LCP1: variants seen among roughly 807,000 people sequenced by gnomAD.
LCP1 encodes lymphocyte cytosolic protein 1.
In LCP1, 23 loss-of-function variants were observed where a neutral mutation model predicts 72.0. The observed-to-expected ratio is 0.32, with a 90% CI of 0.23 to 0.45. The LOEUF (loss-of-function observed/expected upper bound fraction) is 0.45, where lower values mean the gene tolerates loss of function less well. Ranked by LOEUF, LCP1 falls within the 20% of genes least tolerant of loss-of-function variation. The probability of loss-of-function intolerance (pLI) is 1.00; values close to 1 mark genes in which losing one functional copy is unlikely to be tolerated. For synonymous variants in LCP1, 245 were observed against 275.4 expected, an observed-to-expected ratio of 0.89 and a Z score of 1.09; for missense variants, 571 against 748.3, an observed-to-expected ratio of 0.76 and a Z score of 2.76.
rs568716266 is a variant in LCP1, at chr13:46,150,247, G to A, written c.882+689C>T. Among the ~76,000 whole-genome samples, 5 of 152,292 alleles carry A rather than the reference G, an allele frequency of 3.3e-5. No homozygotes were observed. The South Asian group carries it at 1.0e-3, about 32-fold the overall frequency. Reference sequence around the variant, plus strand: ...CTCCTACTCTTTCCTTCTAGGGACCGCTTTCCATTCCTTTCTGCTCCTTAA... The same window carrying A: ...CTCCTACTCTTTCCTTCTAGGGACCACTTTCCATTCCTTTCTGCTCCTTAA... On this transcript the variant is annotated intron_variant, in intron 8 of 15. Coordinates refer to ENST00000323076, the MANE Select transcript of LCP1 (RefSeq NM_002298.5).
chr13:46,171,396 G>A (rs7330090), intron 1 of LCP1, among the ~76,000 whole-genome samples: 28,970 of 152,086 alleles, frequency 0.19, 2,987 homozygotes, highest in East Asian at 0.31. Context: ...TTTCTGCAAG[G>A]TTTTACTTAG....
At chr13:46,142,045 G>A (rs904056603) in intron 13 of LCP1, among the ~76,000 whole-genome samples, 1 of 151,648 alleles carries the variant, frequency 6.6e-6, no homozygotes, top group Admixed American at 6.6e-5. Flanking sequence ...ACAAAGGGAT[G>A]AGTAAATTAG....
At chr13:46,142,829 T>C (rs1043677595) in intron 12 of LCP1, 4 of 458,220 alleles carry the variant, frequency 8.7e-6, no homozygotes, top group East Asian at 6.9e-5. Flanking sequence ...CAGATATTCC[T>C]GTAGCTACGC....
chr13:46,152,640 C>G, intron 7 of LCP1, 140 bp downstream of exon 7: 1 of 808,724 alleles, frequency 1.2e-6, no homozygotes, highest in South Asian at 1.9e-5. Context: ...TGTATAGAAT[C>G]TGTGACATGA....
intron 4 of LCP1, among the ~76,000 whole-genome samples, chr13:46,157,323 C>T (rs2045809123): frequency 6.6e-6 from 1 of 152,046 alleles, no homozygotes; most frequent in Admixed American, 6.6e-5. Context: ...CAGGATTCCG[C>T]TTTTAGCTCT....
chr13:46,156,349 C>A lies in LCP1; in HGVS notation c.491+89G>T. 2.0e-6 allele frequency: 3 copies of A among 1,513,910 alleles called. No individual in the cohort carries two copies. In the South Asian group the frequency reaches 3.6e-5, roughly 18 times the overall value. 93.8% of individuals were successfully genotyped at this position (1,513,910 alleles called of 1,614,324 possible). ...CTTCTAGGTGCAGCTGAGCACCAAA[C>A]AAAGTTGGCCTACGATAAATAACGA... On this transcript the variant is annotated intron_variant, in intron 5 of 15. Transcript: ENST00000323076.
At chr13:46,176,007 A>G (rs1272030852) in intron 1 of LCP1, among the ~76,000 whole-genome samples, 2 of 152,166 alleles carry the variant, frequency 1.3e-5, no homozygotes, top group Non-Finnish European at 2.9e-5. Flanking sequence ...AGGAGGTACA[A>G]AGGATCTACT....
At chr13:46,127,810 CAT>C (rs1287184409) in intron 15 of LCP1, 87 bp from the exon 16 acceptor site, 2 of 1,507,498 alleles carry the variant, frequency 1.3e-6, no homozygotes, top group African/African-American at 2.7e-5. Context: ...ACAGTCGTTC[CAT>C]AGTCAGGACA....
chr13:46,128,324 C>A (rs543111516), intron 15 of LCP1, among the ~76,000 whole-genome samples: 1 of 152,208 alleles, frequency 6.6e-6, no homozygotes, highest in African/African-American at 2.4e-5. Flanking sequence ...CTTGGCCAGG[C>A]GCGGTGGCTC....
chr13:46,171,702 G>A (rs1237921538), intron 1 of LCP1, among the ~76,000 whole-genome samples: 5 of 152,188 alleles, frequency 3.3e-5, no homozygotes, highest in Non-Finnish European at 7.3e-5. Flanking sequence ...AAATAGTCAC[G>A]CAAATGCAAG....
At position 46,143,284 on chromosome 13, in the gene LCP1, G is replaced by A. The variant is rs369501483; in HGVS notation, c.1368+6C>T. The A allele has an allele frequency of 3.1e-6, 5 of 1,593,804 alleles. No homozygotes were observed. Among genetic ancestry groups the A allele is most frequent in the Non-Finnish European group, 2.6e-6 (3 of 1,161,652 alleles). On this transcript the variant is annotated splice_donor_region_variant and intron_variant, in intron 12 of 15. Coordinates refer to ENST00000323076, the MANE Select transcript of LCP1 (RefSeq NM_002298.5). ...CTCCTGGAACAACAGAACCATCATT[G>A]TTTACCTTCTTCATATTGCCTCCCA...
chr13:46,126,869 G>C lies in LCP1; in HGVS notation c.*722C>G, dbSNP rs1335257625. ...AGCCCAAATTCTAGAGTTAAAAGCA[G>C]AGGGGTTCTTAGTGGCTGAAAAAAA... On this transcript the variant is annotated 3_prime_UTR_variant, in exon 16 of 16. Coordinates refer to ENST00000323076, the MANE Select transcript of LCP1 (RefSeq NM_002298.5). 1 of 230,842 alleles carries C rather than the reference G, an allele frequency of 4.3e-6. No homozygotes were observed. Among genetic ancestry groups the C allele is most frequent in the Non-Finnish European group, 8.6e-6 (1 of 116,614 alleles). The allele number at this position is 230,842 out of a possible 1,614,324, so 14.3% of individuals were successfully genotyped here.
At chr13:46,174,507 C>T (rs189410068) in intron 1 of LCP1, among the ~76,000 whole-genome samples, 130 of 152,156 alleles carry the variant, frequency 8.5e-4, no homozygotes, top group African/African-American at 2.6e-3. Flanking sequence ...GTATACCAGC[C>T]GACCTAACAA....
intron 1 of LCP1, among the ~76,000 whole-genome samples, chr13:46,176,403 A>G (rs1408131540): frequency 6.6e-6 from 1 of 152,258 alleles, no homozygotes; most frequent in East Asian, 1.9e-4. Flanking sequence ...ACACACATCT[A>G]TTATAATCTC....
intron 13 of LCP1, among the ~76,000 whole-genome samples, chr13:46,137,039 C>A (rs978446687): frequency 8.5e-5 from 13 of 152,118 alleles, no homozygotes; most frequent in East Asian, 1.9e-4. Context: ...GAACAGGGAA[C>A]CTTATAGAGG....
In LCP1 at chr13:46,127,106, A is replaced by G; in HGVS notation, c.*485T>C. 1 of 231,700 alleles carries G rather than the reference A, an allele frequency of 4.3e-6. No individual in the cohort carries two copies. Among genetic ancestry groups the G allele is most frequent in the Non-Finnish European group, 8.5e-6 (1 of 117,130 alleles). 14.4% of individuals were successfully genotyped at this position (231,700 alleles called of 1,614,324 possible). A position where few individuals can be genotyped will look rare whatever the true frequency, so the allele number is the denominator to read the frequency against. ...TGTGAGGAGCAAAGTCAAGGGAGGCAGGGTAGGAAGAGGGGACAGAAAGAG... is the reference window on the plus strand; with the variant it reads ...TGTGAGGAGCAAAGTCAAGGGAGGCGGGGTAGGAAGAGGGGACAGAAAGAG... On this transcript the variant is annotated 3_prime_UTR_variant, in exon 16 of 16. Transcript: ENST00000323076.
intron 4 of LCP1, 74 bp downstream of exon 4, chr13:46,158,448 A>C: frequency 6.5e-7 from 1 of 1,533,978 alleles, no homozygotes; most frequent in Non-Finnish European, 8.9e-7. Context: ...CTTTGTTTAC[A>C]TCCCTTAGGT....
chr13:46,135,527 C>T (rs2045659870), intron 13 of LCP1, among the ~76,000 whole-genome samples: 1 of 152,162 alleles, frequency 6.6e-6, no homozygotes, highest in African/African-American at 2.4e-5. Context: ...GAAATAAGAG[C>T]AATGCCCTGC....
chr13:46,167,797 T>C (rs1285379094), intron 1 of LCP1, among the ~76,000 whole-genome samples: 2 of 152,186 alleles, frequency 1.3e-5, no homozygotes, highest in African/African-American at 2.4e-5. Context: ...CCCTGGCTGC[T>C]AGGGGGTTGG....
Sources: gnomAD v4.1 joint callset for allele counts (sites outside exome capture counted in the v4.1 genomes callset) on GRCh38, gnomAD v4.1.1 for gene constraint, MANE v1.5 for transcripts, NCBI Gene and HGNC (gene_info 2026-07-23, HGNC 2026-07-21) for gene names.